Variants in SRGAP2 observed in about 807,000 individuals in gnomAD.
SRGAP2 encodes SLIT-ROBO Rho GTPase activating protein 2, also known as SLIT-ROBO Rho GTPase-activating protein 2.
Under a neutral mutation model 57.2 loss-of-function variants are expected in SRGAP2, and 15 were observed. The observed-to-expected ratio is 0.26, with a 90% CI of 0.18 to 0.40. SRGAP2 has a LOEUF of 0.40. SRGAP2 is among the 10% of genes least tolerant of loss of function. The pLI is 1.00. For missense variants in SRGAP2, 520 were observed against 669.6 expected (o/e 0.78, Z 2.47); for synonymous variants, 249 against 248.0 (o/e 1.00, Z -0.04).
At chr1:206,303,787 T>C (rs1363018329) in intron 3 of SRGAP2, among the ~76,000 whole-genome samples, 2 of 152,124 alleles carry the variant, frequency 1.3e-5, no homozygotes, top group African/African-American at 4.8e-5. Flanking sequence ...TGATGGTTAT[T>C]GTTATTATCC....
chr1:206,430,049 T>C lies in SRGAP2; in HGVS notation c.1495-113T>C, dbSNP rs1572134953. On this transcript the variant is annotated intron_variant, in intron 13 of 22. Coordinates refer to ENST00000573034, the MANE Select transcript of SRGAP2 (RefSeq NM_015326.5). ...GGAGGACAGGCCAGGTGCTTCTTTG[T>C]AGACCGGCTGGTGATCCGCTAAGAC... 5 of 716,434 alleles carry C rather than the reference T, an allele frequency of 7.0e-6. No individual in the cohort carries two copies. The East Asian group carries it at 1.2e-4, about 18-fold the overall frequency. 44.4% of individuals were successfully genotyped at this position (716,434 alleles called of 1,614,324 possible).
At chr1:206,310,753 A>G (rs2102788078) in intron 3 of SRGAP2, among the ~76,000 whole-genome samples, 1 of 152,358 alleles carries the variant, frequency 6.6e-6, no homozygotes, top group East Asian at 1.9e-4. Context: ...CCTGGCAGTC[A>G]GCATCACTAA....
chr1:206,459,831 A>G (rs1664118735), intron 22 of SRGAP2, among the ~76,000 whole-genome samples: 1 of 152,200 alleles, frequency 6.6e-6, no homozygotes, highest in South Asian at 2.1e-4. Context: ...CAAGCCCAGT[A>G]TTGAGCTACA....
At chr1:206,268,121 A>G (rs1553315163) in intron 2 of SRGAP2, among the ~76,000 whole-genome samples, 1 of 151,606 alleles carries the variant, frequency 6.6e-6, no homozygotes, top group Non-Finnish European at 1.5e-5. Flanking sequence ...GTTCTAGAGT[A>G]CATATGCACA....
At chr1:206,384,461 T>C (rs1215883461) in intron 5 of SRGAP2, among the ~76,000 whole-genome samples, 1 of 150,996 alleles carries the variant, frequency 6.6e-6, no homozygotes, top group African/African-American at 2.5e-5. Context: ...AAAGCCTTTA[T>C]TGTTCTAGGT....
intron 14 of SRGAP2, among the ~76,000 whole-genome samples, chr1:206,431,569 C>G (rs1661276679): frequency 6.6e-6 from 1 of 152,214 alleles, no homozygotes; most frequent in Non-Finnish European, 1.5e-5. Flanking sequence ...AGCCACTGTT[C>G]ATTAGCATAC....
In SRGAP2 at chr1:206,461,679, A is replaced by G; in HGVS notation, c.*259A>G. On this transcript the variant is annotated 3_prime_UTR_variant, in exon 23 of 23. Transcript: ENST00000573034. ...TACCGTTCTTAGGTTAGCCAGAGAC[A>G]GGTTTTCATTATCAGGTCACTGTGA... The G allele has an allele frequency of 7.3e-6, 3 of 408,802 alleles. No individual in the cohort carries two copies. The highest frequency in any genetic ancestry group is 8.2e-5 in the Admixed American group (2 of 24,368). The allele number at this position is 408,802 out of a possible 1,614,324, so 25.3% of individuals were successfully genotyped here.
intron 3 of SRGAP2, among the ~76,000 whole-genome samples, chr1:206,311,259 A>C (rs1361464837): frequency 6.6e-6 from 1 of 152,054 alleles, no homozygotes; most frequent in Non-Finnish European, 1.5e-5. Context: ...ATTGGGGGAC[A>C]ATCAGCAGCA....
At chr1:206,402,130 G>A (rs1558393451) in intron 8 of SRGAP2, among the ~76,000 whole-genome samples, 1 of 152,054 alleles carries the variant, frequency 6.6e-6, no homozygotes, top group African/African-American at 2.4e-5. Context: ...GGAATGCTGT[G>A]ATCTTTTGGC....
At chr1:206,350,113 C>A (rs575586793) in intron 4 of SRGAP2, among the ~76,000 whole-genome samples, 1 of 151,090 alleles carries the variant, frequency 6.6e-6, no homozygotes, top group South Asian at 2.1e-4. Context: ...AAGGGAAATG[C>A]TGATACAATA....
At chr1:206,438,179 G>T in intron 16 of SRGAP2, 81 bp downstream of exon 16, 1 of 720,938 alleles carries the variant, frequency 1.4e-6, no homozygotes, top group Admixed American at 2.0e-5. Flanking sequence ...CAGGGTCTGT[G>T]TGTTCTCATA....
chr1:206,347,749 A>G (rs1213045690), intron 4 of SRGAP2, among the ~76,000 whole-genome samples: 1 of 148,714 alleles, frequency 6.7e-6, no homozygotes, highest in East Asian at 1.9e-4. Context: ...TTGAATTCAG[A>G]TATTTCACTT....
At chr1:206,244,552 C>T (rs1215580113) in intron 2 of SRGAP2, among the ~76,000 whole-genome samples, 9 of 140,234 alleles carry the variant, frequency 6.4e-5, no homozygotes, top group Admixed American at 6.4e-4. Flanking sequence ...GTGTGAGCCA[C>T]CACGCCCGGC....
chr1:206,360,107 A>T (rs1553340366), intron 4 of SRGAP2, among the ~76,000 whole-genome samples: 1 of 151,980 alleles, frequency 6.6e-6, no homozygotes, highest in East Asian at 1.9e-4. Flanking sequence ...CGCCCGGCCG[A>T]TATTGCTCTT....
intron 2 of SRGAP2, among the ~76,000 whole-genome samples, chr1:206,285,303 T>C (rs1670954782): frequency 6.6e-6 from 1 of 151,752 alleles, no homozygotes; most frequent in Non-Finnish European, 1.5e-5. Flanking sequence ...GACAGAAAGA[T>C]ACAGGGGAGA....
chr1:206,216,295 T>G (rs1193683584), intron 2 of SRGAP2, among the ~76,000 whole-genome samples: 1 of 152,242 alleles, frequency 6.6e-6, no homozygotes, highest in African/African-American at 2.4e-5. Flanking sequence ...TCTCTTACCT[T>G]GGAAACCAAG....
intron 2 of SRGAP2, among the ~76,000 whole-genome samples, chr1:206,263,146 C>T (rs1202967654): frequency 1.4e-5 from 2 of 146,184 alleles, no homozygotes; most frequent in Admixed American, 1.4e-4. Context: ...GTATGATGTA[C>T]TTAATGTCCA....
intron 21 of SRGAP2, 26 bp downstream of exon 21, chr1:206,455,050 TC>T (rs1663706715): frequency 1.3e-6 from 1 of 780,582 alleles, no homozygotes; most frequent in African/African-American, 1.7e-5. Flanking sequence ...CATTTTCTGC[TC>T]CCCTGAATGA....
At chr1:206,302,051 C>T (rs1412175096) in intron 2 of SRGAP2, among the ~76,000 whole-genome samples, 1 of 151,900 alleles carries the variant, frequency 6.6e-6, no homozygotes, top group Non-Finnish European at 1.5e-5. Flanking sequence ...AGCATTGTTG[C>T]AACTGTGCTA....
Sources: gnomAD v4.1 joint callset for allele counts (sites outside exome capture counted in the v4.1 genomes callset) on GRCh38, gnomAD v4.1.1 for gene constraint, MANE v1.5 for transcripts, NCBI Gene and HGNC (gene_info 2026-07-23, HGNC 2026-07-21) for gene names.